RERE: variants seen among roughly 807,000 people sequenced by gnomAD.
The protein encoded by RERE is arginine-glutamic acid dipeptide repeats, also known as arginine-glutamic acid dipeptide repeats protein.
In RERE, 40 loss-of-function variants were observed where a neutral mutation model predicts 146.1. The ratio of observed to expected loss-of-function variants is 0.27; its 90% CI spans 0.21 to 0.36. The LOEUF (loss-of-function observed/expected upper bound fraction) is 0.36, where lower values mean the gene tolerates loss of function less well. Ranked by LOEUF, RERE falls within the 10% of genes least tolerant of loss-of-function variation. The pLI, the probability that RERE is intolerant of heterozygous loss-of-function variation, is 1.00. For synonymous variants in RERE, 1,003 were observed against 866.0 expected, an observed-to-expected ratio of 1.16 and a Z score of -2.78; for missense variants, 1,933 against 2,138.7, an observed-to-expected ratio of 0.90 and a Z score of 1.90.
chr1:8,492,785 A>G (rs914632409), intron 10 of RERE, among the ~76,000 whole-genome samples: 1 of 152,176 alleles, frequency 6.6e-6, no homozygotes, highest in Non-Finnish European at 1.5e-5. Context: ...GGCGTCTATG[A>G]TATCAGCTAC....
intron 12 of RERE, among the ~76,000 whole-genome samples, chr1:8,387,128 CAGAG>C (rs1420448920): frequency 1.3e-5 from 2 of 152,190 alleles, no homozygotes; most frequent in Admixed American, 6.5e-5. Context: ...CTGGAATAGA[CAGAG>C]AGACCAACAG....
At position 8,403,476 on chromosome 1, in the gene RERE, C is replaced by CT. The variant is rs201447407; in HGVS notation, c.1284+19250dup. On this transcript the variant is annotated intron_variant, in intron 12 of 22. Coordinates refer to ENST00000400908, the MANE Select transcript of RERE (RefSeq NM_001042681.2). Reference sequence around the variant, plus strand: ...TGCTTCTCGGGTTCAAGTGATTCTCCTGTCTCAGCCTCCTGAATAGCTGGG... The same window carrying CT: ...TGCTTCTCGGGTTCAAGTGATTCTCCTTGTCTCAGCCTCCTGAATAGCTGGG... Among the ~76,000 whole-genome samples the CT allele has an allele frequency of 8.8e-3, 1,283 of 145,952 alleles. 17 individuals are homozygous for CT. Among genetic ancestry groups the CT allele is most frequent in the African/African-American group, 0.031 (1,219 of 39,318 alleles).
At chr1:8,670,008 T>C (rs932141352) in intron 1 of RERE, among the ~76,000 whole-genome samples, 3 of 152,252 alleles carry the variant, frequency 2.0e-5, no homozygotes, top group Admixed American at 6.5e-5. Flanking sequence ...GCAGCTCTTT[T>C]AAACACTTAG....
At chr1:8,681,264 GA>G (rs1638959311) in intron 1 of RERE, among the ~76,000 whole-genome samples, 1 of 152,058 alleles carries the variant, frequency 6.6e-6, no homozygotes, top group Admixed American at 6.6e-5. Flanking sequence ...TATATACAAG[GA>G]ATAAATCATA....
chr1:8,769,252 C>G (rs1640901612), intron 1 of RERE, among the ~76,000 whole-genome samples: 2 of 151,950 alleles, frequency 1.3e-5, no homozygotes. Flanking sequence ...AAAGCAATTT[C>G]AAGGAAAAAA....
At position 8,656,291 on chromosome 1, in the gene RERE, C is replaced by T. The variant is rs1227112474; in HGVS notation, c.7G>A (p.Ala3Thr). Residue 3 changes from alanine to threonine, a missense_variant, in exon 2 of 23, where the codon GCG becomes ACG. By Grantham distance (58) the Ala-to-Thr change is moderately conservative. Around this residue, in one of 11 missense-constraint regions of RERE, gnomAD observed 107 missense variants for 119.7 expected, o/e 0.89. Transcript: ENST00000400908. MT[A>T]DKDKDKDKEK... ...TTGTCTTTGTCTTTGTCTTTGTCCG[C>T]TGTCATGATTCGCCACGTGCCTTCT... 1.2e-6 allele frequency: 2 copies of T among 1,612,680 alleles called. No individual in the cohort carries two copies. Among genetic ancestry groups the T allele is most frequent in the African/African-American group, 2.7e-5 (2 of 74,684 alleles).
At chr1:8,750,439 T>G (rs1270658911) in intron 1 of RERE, 1 of 820,478 alleles carries the variant, frequency 1.2e-6, no homozygotes, top group Admixed American at 1.8e-5. Flanking sequence ...CCATGGAGGG[T>G]GTTGAAGAGA....
At chr1:8,763,629 C>T (rs762985661) in intron 1 of RERE, among the ~76,000 whole-genome samples, 24 of 151,644 alleles carry the variant, frequency 1.6e-4, no homozygotes, top group Non-Finnish European at 3.2e-4. Flanking sequence ...AGCTAGACTC[C>T]GTCTCAAAAA....
chr1:8,556,341 C>CT, intron 6 of RERE, 134 bp downstream of exon 6: 1 of 577,942 alleles, frequency 1.7e-6, no homozygotes, highest in Non-Finnish European at 3.1e-6. Flanking sequence ...AGAGCGGACA[C>CT]TGGCATGTTC....
intron 11 of RERE, among the ~76,000 whole-genome samples, chr1:8,442,670 T>TA (rs1644265412): frequency 6.6e-6 from 1 of 152,160 alleles, no homozygotes; most frequent in African/African-American, 2.4e-5. Flanking sequence ...AGGGTACTGC[T>TA]ATAAAGACAC....
At chr1:8,515,889 C>A (rs919539676) in intron 7 of RERE, among the ~76,000 whole-genome samples, 6 of 152,072 alleles carry the variant, frequency 3.9e-5, no homozygotes, top group Non-Finnish European at 8.8e-5. Context: ...CTATCTTTAT[C>A]CTCATCTTAA....
Position 8,805,008 on chromosome 1 carries a change from G to GTTTTTTTTTTTTTTTTTTTTT in RERE, c.-145+12151_-145+12152insAAAAAAAAAAAAAAAAAAAAA, listed in dbSNP as rs1186832596. On this transcript the variant is annotated intron_variant, in intron 1 of 22. Transcript: ENST00000400908. ...TTTTTTTTGTTTTGTTTTGTTTTTG[G>GTTTTTTTTTTTTTTTTTTTTT]TTTTTTTTTTTTTTTTTTTTGAGAC... 2.6e-4 allele frequency among the ~76,000 whole-genome samples: 20 copies of GTTTTTTTTTTTTTTTTTTTTT among 77,836 alleles called. 1 individual carries two copies. The highest frequency in any genetic ancestry group is 5.4e-4 in the Admixed American group (3 of 5,602). 51.1% of individuals were successfully genotyped at this position (77,836 alleles called of 152,430 possible).
chr1:8,435,270 T>C (rs1644153996), intron 11 of RERE, among the ~76,000 whole-genome samples: 1 of 152,226 alleles, frequency 6.6e-6, no homozygotes, highest in South Asian at 2.1e-4. Flanking sequence ...GCTACGTTAC[T>C]GAATATATGA....
At chr1:8,631,872 A>C (rs1237165797) in intron 2 of RERE, among the ~76,000 whole-genome samples, 2 of 152,206 alleles carry the variant, frequency 1.3e-5, no homozygotes, top group Admixed American at 6.5e-5. Flanking sequence ...ACAGCCATCT[A>C]CCTATTGAAG....
chr1:8,532,930 ACCATATT>A (rs1557675963), intron 7 of RERE, among the ~76,000 whole-genome samples: 2 of 151,592 alleles, frequency 1.3e-5, no homozygotes, highest in African/African-American at 4.9e-5. Flanking sequence ...ACAGGGTTTC[ACCATATT>A]GATCAAGCTG....
chr1:8,759,597 T>G (rs371621943), intron 1 of RERE, among the ~76,000 whole-genome samples: 3 of 151,918 alleles, frequency 2.0e-5, no homozygotes, highest in African/African-American at 7.2e-5. Context: ...TTTAGCACAG[T>G]TTTTAAAAAA....
intron 1 of RERE, among the ~76,000 whole-genome samples, chr1:8,800,918 T>C (rs977178296): frequency 1.3e-5 from 2 of 152,066 alleles, no homozygotes; most frequent in Admixed American, 6.6e-5. Context: ...TGAGCCGAGA[T>C]TGCGCCACTG....
intron 1 of RERE, among the ~76,000 whole-genome samples, chr1:8,795,213 A>G (rs1015172453): frequency 2.0e-5 from 3 of 151,762 alleles, no homozygotes; most frequent in African/African-American, 7.3e-5. Context: ...TTTAGTAGAG[A>G]TGGGGTTTCA....
At chr1:8,771,245 C>T (rs967264980) in intron 1 of RERE, among the ~76,000 whole-genome samples, 2 of 152,014 alleles carry the variant, frequency 1.3e-5, no homozygotes, top group Non-Finnish European at 2.9e-5. Context: ...GAAACTGGGC[C>T]GGGCGTGGTG....
Sources: allele counts gnomAD v4.1 joint callset (sites outside exome capture counted in the v4.1 genomes callset), GRCh38; gene constraint gnomAD v4.1.1; regional missense constraint gnomAD v4.1.1; transcripts MANE v1.5; gene names NCBI Gene and HGNC (gene_info 2026-07-23, HGNC 2026-07-21).